Variants in CLYBL observed in about 807,000 individuals in gnomAD.
CLYBL encodes the protein citramalyl-CoA lyase.
A neutral mutation model predicts 38.9 loss-of-function variants in CLYBL; 31 were observed. That is an observed-to-expected ratio of 0.80 (90% CI 0.60 to 1.08). CLYBL has a LOEUF of 1.08. CLYBL is among the 50% of genes least tolerant of loss of function. The pLI, the probability that CLYBL is intolerant of heterozygous loss-of-function variation, is 0.00. For missense variants in CLYBL, 434 were observed against 411.6 expected (o/e 1.05, Z -0.47); for synonymous variants, 171 against 158.6 (o/e 1.08, Z -0.59).
At chr13:99,907,459 A>G (rs1473240889) in intron 9 of CLYBL, among the ~76,000 whole-genome samples, 2 of 152,220 alleles carry the variant, frequency 1.3e-5, no homozygotes, top group Admixed American at 6.5e-5. Flanking sequence ...AAAAAAAACA[A>G]TAAAATGTTA....
intron 1 of CLYBL, among the ~76,000 whole-genome samples, chr13:99,650,866 C>G (rs2047243950): frequency 6.6e-6 from 1 of 152,152 alleles, no homozygotes; most frequent in Admixed American, 6.5e-5. Context: ...GGAATGAAGA[C>G]CTTACAGTGT....
In CLYBL at chr13:99,649,072, G is replaced by A. The variant is rs543860200; in HGVS notation, c.62+42315G>A. ...CCCTGGAACGTAAATCATTTTTCTC[G>A]GACAGCCAATGTGTTTGGCTTTGGA... On this transcript the variant is annotated intron_variant, in intron 1 of 8. Transcript: ENST00000339105. 5.3e-5 allele frequency among the ~76,000 whole-genome samples: 8 copies of A among 151,680 alleles called. No individual in the cohort carries two copies. The East Asian group carries it at 5.8e-4, about 11-fold the overall frequency.
intron 1 of CLYBL, among the ~76,000 whole-genome samples, chr13:99,608,671 C>T (rs910420408): frequency 2.6e-5 from 4 of 152,076 alleles, no homozygotes; most frequent in Non-Finnish European, 5.9e-5. Context: ...GCTCCTCACC[C>T]GCCTTAGCAC....
At chr13:99,848,134 T>C (rs1394145669) in intron 2 of CLYBL, among the ~76,000 whole-genome samples, 2 of 152,126 alleles carry the variant, frequency 1.3e-5, no homozygotes, top group Non-Finnish European at 2.9e-5. Context: ...TGAAATCCTG[T>C]TCAGTCTTCA....
chr13:99,630,743 ATTC>A (rs899686483), intron 1 of CLYBL, among the ~76,000 whole-genome samples: 1 of 151,914 alleles, frequency 6.6e-6, no homozygotes, highest in Non-Finnish European at 1.5e-5. Context: ...TCCTGTTCTT[ATTC>A]TTGGAGAAGA....
At chr13:99,616,490 T>G (rs991337021) in intron 1 of CLYBL, among the ~76,000 whole-genome samples, 2 of 152,206 alleles carry the variant, frequency 1.3e-5, no homozygotes, top group Non-Finnish European at 1.5e-5. Context: ...TCATTTAGTC[T>G]GTTTCCAGAC....
exon 10 of CLYBL, among the ~76,000 whole-genome samples, chr13:99,909,328 A>G (rs2052727586): frequency 6.6e-6 from 1 of 152,192 alleles, no homozygotes; most frequent in Admixed American, 6.5e-5. Flanking sequence ...TATTACTGGA[A>G]CTCATCTCAT....
intron 2 of CLYBL, among the ~76,000 whole-genome samples, chr13:99,809,387 G>A (rs2050296125): frequency 6.6e-6 from 1 of 152,190 alleles, no homozygotes; most frequent in Non-Finnish European, 1.5e-5. Context: ...CACCCTCTCC[G>A]ATGGTGGGCT....
At chr13:99,720,043 T>G (rs1283039130) in intron 1 of CLYBL, among the ~76,000 whole-genome samples, 1 of 152,116 alleles carries the variant, frequency 6.6e-6, no homozygotes, top group Non-Finnish European at 1.5e-5. Context: ...CTATGCTGTT[T>G]ACTTACTGTA....
intron 1 of CLYBL, among the ~76,000 whole-genome samples, chr13:99,616,825 G>T (rs112771937): frequency 7.2e-4 from 109 of 152,096 alleles, no homozygotes; most frequent in African/African-American, 2.6e-3. Flanking sequence ...GTGTGGTTGC[G>T]CATGCCTGTA....
chr13:99,627,716 A>G (rs2046889860), intron 1 of CLYBL, among the ~76,000 whole-genome samples: 1 of 152,242 alleles, frequency 6.6e-6, no homozygotes, highest in Non-Finnish European at 1.5e-5. Flanking sequence ...GGTTTCCCCT[A>G]CTAAGCATTT....
chr13:99,686,294 G>C (rs2047817036), intron 1 of CLYBL, among the ~76,000 whole-genome samples: 1 of 152,228 alleles, frequency 6.6e-6, no homozygotes, highest in Non-Finnish European at 1.5e-5. Flanking sequence ...ACATGGGCCT[G>C]ACTCGCAGGA....
downstream of CLYBL, chr13:99,894,182 C>T (rs895501483): frequency 3.3e-5 from 5 of 152,402 alleles, no homozygotes; most frequent in Admixed American, 6.5e-5. Context: ...TATTCCCCCT[C>T]TTTCCCCACC....
At chr13:99,856,673 C>T (rs952124592) in intron 2 of CLYBL, among the ~76,000 whole-genome samples, 5 of 152,106 alleles carry the variant, frequency 3.3e-5, no homozygotes, top group African/African-American at 9.7e-5. Context: ...GAGTCTCGCT[C>T]TGTGTCCTAT....
At chr13:99,864,723 A>G (rs1222687583) in intron 4 of CLYBL, 95 bp from the exon 5 acceptor site, 1 of 808,692 alleles carries the variant, frequency 1.2e-6, no homozygotes, top group Non-Finnish European at 2.1e-6. Flanking sequence ...AAACTGTGTT[A>G]AGAGTCAGGT....
At chr13:99,691,875 G>A (rs2047908349) in intron 1 of CLYBL, among the ~76,000 whole-genome samples, 2 of 152,210 alleles carry the variant, frequency 1.3e-5, no homozygotes, top group East Asian at 3.8e-4. Flanking sequence ...ATGGGATGAA[G>A]AAACAGCCCA....
At chr13:99,750,085 T>C (rs1249024632) in intron 1 of CLYBL, among the ~76,000 whole-genome samples, 6 of 152,162 alleles carry the variant, frequency 3.9e-5, no homozygotes, top group Non-Finnish European at 8.8e-5. Context: ...CTGTAACCAT[T>C]GGAATTGCCA....
chr13:99,657,616 CTAAT>C (rs1413932466), intron 1 of CLYBL, among the ~76,000 whole-genome samples: 1 of 121,552 alleles, frequency 8.2e-6, no homozygotes, highest in Non-Finnish European at 1.7e-5. Flanking sequence ...AAATTTTGAC[CTAAT>C]TAGAGGGGGA....
At position 99,865,723 on chromosome 13, in the gene CLYBL, A is replaced by AAAAC. The variant is rs2051724980; in HGVS notation, c.635-514_635-511dup. Among the ~76,000 whole-genome samples, 1 of 152,230 alleles carries AAAAC rather than the reference A, an allele frequency of 6.6e-6. No individual in the cohort carries two copies. The highest frequency in any genetic ancestry group is 2.1e-4 in the South Asian group (1 of 4,836). On this transcript the variant is annotated intron_variant, in intron 5 of 8. Transcript: ENST00000339105. The surrounding 1 kb of genome is among the most constrained non-coding windows in gnomAD (Gnocchi z 4.7). Reference sequence around the variant, plus strand: ...CATATCGATGCTTTCCAGCCCTCTCAAAACAAGTGCCCTCCCGTCTCCCCA... The same window carrying AAAAC: ...CATATCGATGCTTTCCAGCCCTCTCAAAACAAACAAGTGCCCTCCCGTCTCCCCA...
Sources: gnomAD v4.1 joint callset for allele counts (sites outside exome capture counted in the v4.1 genomes callset) on GRCh38, gnomAD v4.1.1 for gene constraint, Gnocchi (gnomAD v3.1) non-coding constraint, MANE v1.5 for transcripts, NCBI Gene and HGNC (gene_info 2026-07-23, HGNC 2026-07-21) for gene names.